The following ITPR1 variants were observed in gnomAD, a reference collection of about 807,000 sequenced individuals.
ITPR1 encodes the protein inositol 1,4,5-trisphosphate receptor type 1.
Under a neutral mutation model 318.4 loss-of-function variants are expected in ITPR1, and 96 were observed. The observed-to-expected ratio is 0.30, with a 90% CI of 0.26 to 0.36. The LOEUF (loss-of-function observed/expected upper bound fraction) is 0.36. ITPR1 is among the 10% of genes least tolerant of loss of function. The pLI is 1.00. For synonymous variants in ITPR1, 1,312 were observed against 1,289.9 expected (o/e 1.02, Z -0.37); for missense variants, 2,440 against 3,460.2 (o/e 0.71, Z 7.40).
At chr3:4,556,282 C>G (rs1034407403) in intron 4 of ITPR1, among the ~76,000 whole-genome samples, 1 of 152,140 alleles carries the variant, frequency 6.6e-6, no homozygotes, top group Non-Finnish European at 1.5e-5. Context: ...ACATTTGTTA[C>G]AATTGATGAA....
At chr3:4,817,473 C>G (rs2049380032) in intron 59 of ITPR1, 1 of 152,128 alleles carries the variant, frequency 6.6e-6, no homozygotes, top group Admixed American at 6.5e-5. Context: ...ATTCTTTCTC[C>G]CTTTCTCTAT....
chr3:4,561,478 A>G (rs2086666688), intron 4 of ITPR1, among the ~76,000 whole-genome samples: 1 of 152,198 alleles, frequency 6.6e-6, no homozygotes, highest in Non-Finnish European at 1.5e-5. Context: ...ACTTTTGCAA[A>G]TACATAATTT....
chr3:4,705,812 C>T (rs2094744710), intron 36 of ITPR1, among the ~76,000 whole-genome samples: 1 of 152,152 alleles, frequency 6.6e-6, no homozygotes, highest in Admixed American at 6.5e-5. Context: ...GATTCATTGG[C>T]CAAACGAGTT....
intron 12 of ITPR1, among the ~76,000 whole-genome samples, chr3:4,654,835 C>G (rs114389177): frequency 1.1e-3 from 166 of 152,262 alleles, no homozygotes; most frequent in African/African-American, 3.8e-3. Context: ...CTAGTTATGT[C>G]TTGGTGAAAT....
At chr3:4,720,470 G>A (rs779020286) in intron 40 of ITPR1, among the ~76,000 whole-genome samples, 1 of 152,216 alleles carries the variant, frequency 6.6e-6, no homozygotes, top group South Asian at 2.1e-4. Context: ...CCGAGGTGGT[G>A]AGCAGAACAG....
At chr3:4,698,013 T>G (rs1294297547) in intron 34 of ITPR1, among the ~76,000 whole-genome samples, 7 of 152,228 alleles carry the variant, frequency 4.6e-5, no homozygotes, top group African/African-American at 1.7e-4. Flanking sequence ...ATTTACTGCT[T>G]TCCTGGCTCA....
intron 25 of ITPR1, 44 bp downstream of exon 25, chr3:4,680,735 G>A (rs780080063): frequency 3.1e-5 from 48 of 1,549,134 alleles, no homozygotes; most frequent in African/African-American, 4.1e-5. Context: ...ATGGGACCTG[G>A]CTCTAAGGAA....
chr3:4,682,818 T>C (rs2094325320), intron 26 of ITPR1, among the ~76,000 whole-genome samples: 1 of 152,226 alleles, frequency 6.6e-6, no homozygotes, highest in Admixed American at 6.5e-5. Flanking sequence ...AAACCCAATA[T>C]AGGTGCAGAC....
At chr3:4,534,750 G>A (rs2083707285) in intron 4 of ITPR1, among the ~76,000 whole-genome samples, 1 of 152,184 alleles carries the variant, frequency 6.6e-6, no homozygotes, top group African/African-American at 2.4e-5. Flanking sequence ...TGTTATCAGT[G>A]ATGACACTTA....
chr3:4,654,640 C>T (rs1016438278), intron 12 of ITPR1, among the ~76,000 whole-genome samples: 7 of 152,082 alleles, frequency 4.6e-5, no homozygotes, highest in South Asian at 2.1e-4. Flanking sequence ...TGTGTCTACA[C>T]GATGATCTCA....
intron 4 of ITPR1, among the ~76,000 whole-genome samples, chr3:4,600,132 G>A (rs1056067121): frequency 6.6e-6 from 1 of 152,184 alleles, no homozygotes; most frequent in African/African-American, 2.4e-5. Flanking sequence ...CAATACATTT[G>A]TGTTGTATGC....
At chr3:4,546,868 A>G (rs777843288) in intron 4 of ITPR1, among the ~76,000 whole-genome samples, 22 of 149,562 alleles carry the variant, frequency 1.5e-4, no homozygotes, top group Non-Finnish European at 2.5e-4. Flanking sequence ...GTGGGCTCAT[A>G]AGATAGGACC....
chr3:4,607,494 G>A (rs895375967), intron 4 of ITPR1, among the ~76,000 whole-genome samples: 1 of 152,114 alleles, frequency 6.6e-6, no homozygotes, highest in Non-Finnish European at 1.5e-5. Context: ...TGCCCAAATG[G>A]GGCCGATTGA....
At chr3:4,690,954 TTA>T (rs750950350) in intron 31 of ITPR1, among the ~76,000 whole-genome samples, 188 bp from the exon 32 acceptor site, 9 of 152,142 alleles carry the variant, frequency 5.9e-5, no homozygotes, top group Non-Finnish European at 1.3e-4. Context: ...GTATGTTTAT[TTA>T]TATGTCAATG....
At chr3:4,651,885 G>A (rs1311058756) in intron 10 of ITPR1, among the ~76,000 whole-genome samples, 1 of 152,206 alleles carries the variant, frequency 6.6e-6, no homozygotes, top group Non-Finnish European at 1.5e-5. Flanking sequence ...AACCACTGAA[G>A]TTTTTATTCC....
intron 8 of ITPR1, among the ~76,000 whole-genome samples, chr3:4,645,001 C>T (rs1395183071): frequency 2.0e-5 from 3 of 152,222 alleles, no homozygotes; most frequent in African/African-American, 4.8e-5. Flanking sequence ...TTAACATTTT[C>T]GAGTGTATAC....
intron 49 of ITPR1, among the ~76,000 whole-genome samples, chr3:4,781,837 G>A (rs2046856127): frequency 6.6e-6 from 1 of 152,112 alleles, no homozygotes; most frequent in Admixed American, 6.5e-5. Context: ...TAAAGCATTA[G>A]CCAGGCATGG....
In ITPR1 at chr3:4,648,475, G is replaced by A. The variant is rs4685789; in HGVS notation, c.855+2747G>A. Among the ~76,000 whole-genome samples, 585 of 152,346 alleles carry A rather than the reference G, an allele frequency of 3.8e-3. 8 individuals carry two copies. Among genetic ancestry groups the A allele is most frequent in the African/African-American group, 0.013 (549 of 41,560 alleles). The stretch of plus-strand genomic sequence containing the variant: ...TTCTCATTTTAAGCTAATTAAATAC[G>A]CTGGGTAAAACAGATCACTCATTTG... On this transcript the variant is annotated intron_variant, in intron 10 of 61. Coordinates refer to ENST00000649015, the MANE Select transcript of ITPR1 (RefSeq NM_001378452.1).
rs769105323 is a variant in ITPR1, at chr3:4,693,547, A to G, written c.4087A>G (p.Thr1363Ala). The G allele has an allele frequency of 1.2e-6, 2 of 1,613,818 alleles. No homozygotes were observed. Among genetic ancestry groups the G allele is most frequent in the Non-Finnish European group, 1.7e-6 (2 of 1,179,788 alleles). Residue 1363 changes from threonine to alanine, a missense_variant, in exon 33 of 62, where the codon ACT becomes GCT. By Grantham distance (58) the Thr-to-Ala change is moderately conservative. This residue lies in a region of ITPR1 where 222 missense variants were observed against 318.8 expected (regional missense o/e 0.70). Transcript: ENST00000649015. ...CTACAACGACAGAGCCTCTTTCCAG[A>G]CTCTGATCCAGATGATGCGGTCAGA... ...VFYNDRASFQTLIQMMRSERD... is the reference protein window; with the variant it reads ...VFYNDRASFQALIQMMRSERD...
Sources: allele counts gnomAD v4.1 joint callset (sites outside exome capture counted in the v4.1 genomes callset), GRCh38; gene constraint gnomAD v4.1.1; regional missense constraint gnomAD v4.1.1; transcripts MANE v1.5; gene names NCBI Gene and HGNC (gene_info 2026-07-23, HGNC 2026-07-21).